F8: variants seen among roughly 807,000 people sequenced by gnomAD.
F8 encodes antihemophilic factor.
A neutral mutation model predicts 140.6 loss-of-function variants in F8; 12 were observed. The observed-to-expected ratio is 0.09, with a 90% confidence interval of 0.05 to 0.14. F8 has a LOEUF of 0.14. Ranked by LOEUF, F8 falls within the 10% of genes least tolerant of loss-of-function variation. The pLI is 1.00. For synonymous variants in F8, 585 were observed against 614.6 expected (o/e 0.95, Z 0.71); for missense variants, 1,354 against 1,720.7 (o/e 0.79, Z 3.77).
At chrX:154,899,690 A>G (rs781891997) in intron 21 of F8, among the ~76,000 whole-genome samples, 176 bp downstream of exon 21, 2 of 112,286 alleles carry the variant, frequency 1.8e-5, no homozygotes, top group African/African-American at 6.5e-5. Flanking sequence ...GGACATATCA[A>G]TATACTCAAT....
In F8 at chrX:154,928,844, C is replaced by T. The variant is rs782704485; in HGVS notation, c.4946G>A (p.Gly1649Asp). 1 of 1,211,853 alleles carries T rather than the reference C, an allele frequency of 8.3e-7. No homozygotes were observed. ...PEIEVTWAKQ[G>D]RTERLCSQNP... ...TTGAGAGCACAGCCTTTCAGTCCTA[C>T]CTTGCTTTGCCCAGGTGACTTCTAT... The change falls in exon 14 of 26, where the codon GGT (glycine) becomes GAT (aspartate). Residue 1649 changes from glycine (G) to aspartate (D), a missense_variant. Gly to Asp is a moderately conservative substitution (Grantham distance 94). Coordinates refer to ENST00000360256, the MANE Select transcript of F8 (RefSeq NM_000132.4).
chrX:154,886,446 C>CT, intron 22 of F8: 1 of 79,714 alleles, frequency 1.3e-5, no homozygotes, highest in Non-Finnish European at 1.6e-5. Context: ...ACTTCCTGGC[C>CT]CGCTACCGGC....
intron 18 of F8, among the ~76,000 whole-genome samples, chrX:154,902,969 A>G (rs1182409080): frequency 3.6e-5 from 4 of 111,842 alleles, no homozygotes; most frequent in Non-Finnish European, 7.5e-5. Flanking sequence ...TGCAGGCTCA[A>G]GTTGGAGGAG....
intron 25 of F8, among the ~76,000 whole-genome samples, chrX:154,846,579 T>C (rs1332659368): frequency 3.6e-5 from 4 of 112,028 alleles, no homozygotes; most frequent in African/African-American, 1.3e-4. Context: ...AAAGTCTGTT[T>C]TATCAGAGAC....
At chrX:154,970,973 T>A (rs1178361024) in intron 6 of F8, among the ~76,000 whole-genome samples, 2 of 111,662 alleles carry the variant, frequency 1.8e-5, no homozygotes, top group Non-Finnish European at 3.8e-5. Context: ...AAATTATGCA[T>A]GTTTATTATC....
At chrX:154,972,707 C>CT (rs1184930129) in intron 6 of F8, among the ~76,000 whole-genome samples, 6,634 of 55,172 alleles carry the variant, frequency 0.12, 1,710 homozygotes, top group South Asian at 0.15. Flanking sequence ...TTCTGTCTTT[C>CT]TTTTTTTTTT....
chrX:154,985,066 C>A (rs1297972736), intron 5 of F8, among the ~76,000 whole-genome samples: 1 of 112,128 alleles, frequency 8.9e-6, no homozygotes, highest in Admixed American at 9.4e-5. Flanking sequence ...TAATAGAAGA[C>A]AGAATATTGG....
intron 22 of F8, among the ~76,000 whole-genome samples, chrX:154,876,898 C>T (rs1557274061): frequency 9.0e-6 from 1 of 111,564 alleles, no homozygotes; most frequent in Admixed American, 9.5e-5. Context: ...TGTAGTCTGA[C>T]TCCAAAAGGG....
intron 12 of F8, among the ~76,000 whole-genome samples, chrX:154,951,920 G>A (rs1182537363): frequency 8.9e-6 from 1 of 111,779 alleles, no homozygotes; most frequent in Admixed American, 9.5e-5. Flanking sequence ...CAGTGAAATT[G>A]TTTTCTGGCT....
chrX:155,003,686 C>T (rs926183202), intron 1 of F8, among the ~76,000 whole-genome samples: 12 of 111,492 alleles, frequency 1.1e-4, no homozygotes, highest in Middle Eastern at 4.6e-3. Context: ...CAGCTGGGCG[C>T]GGTGGCTCAC....
intron 4 of F8, among the ~76,000 whole-genome samples, chrX:154,991,757 A>C (rs1306380705): frequency 1.8e-5 from 2 of 111,585 alleles, no homozygotes; most frequent in Non-Finnish European, 3.8e-5. Flanking sequence ...CTTTCATCTG[A>C]AACTATTATA....
chrX:154,937,303 A>T (rs1473233967), intron 13 of F8, among the ~76,000 whole-genome samples: 1 of 111,239 alleles, frequency 9.0e-6, no homozygotes, highest in African/African-American at 3.3e-5. Flanking sequence ...TAATTCCATG[A>T]CCTGATGAAC....
At chrX:154,982,440 C>T (rs1199671457) in intron 6 of F8, among the ~76,000 whole-genome samples, 1 of 70,200 alleles carries the variant, frequency 1.4e-5, no homozygotes, top group Non-Finnish European at 2.4e-5. Flanking sequence ...AGCAAGACTC[C>T]GTCTCAAAAA....
rs782036192 is a variant in F8, at chrX:154,878,444, A to C, written c.6430-15217T>G. Reference sequence around the variant, plus strand: ...TTTCATGACCAAAAAAAAAAAAAAAAAAAAAAACCACTAAGCAAACTAGAA... The same window carrying C: ...TTTCATGACCAAAAAAAAAAAAAAACAAAAAAACCACTAAGCAAACTAGAA... On this transcript the variant is annotated intron_variant, in intron 22 of 25. Transcript: ENST00000360256. Among the ~76,000 whole-genome samples, 15 of 108,759 alleles carry C rather than the reference A, an allele frequency of 1.4e-4. 1 individual carries two copies. In the South Asian group the frequency reaches 5.9e-3, roughly 43 times the overall value. 94.4% of individuals were successfully genotyped at this position (108,759 alleles called of 115,157 possible). A position where few individuals can be genotyped will look rare whatever the true frequency, so the allele number is the denominator to read the frequency against.
intron 11 of F8, among the ~76,000 whole-genome samples, chrX:154,955,943 G>A (rs782445808): frequency 2.7e-5 from 3 of 111,862 alleles, no homozygotes; most frequent in South Asian, 3.8e-4. Context: ...ATCCTAGCAA[G>A]CCTGGGGGCA....
chrX:154,848,289 G>C (rs781897951), intron 25 of F8, among the ~76,000 whole-genome samples: 4 of 112,526 alleles, frequency 3.6e-5, no homozygotes, highest in African/African-American at 1.3e-4. Context: ...TCTGTGCTGG[G>C]AGAACCACTA....
intron 25 of F8, among the ~76,000 whole-genome samples, chrX:154,850,692 T>C (rs782276345): frequency 1.8e-5 from 2 of 111,158 alleles, no homozygotes; most frequent in Non-Finnish European, 3.8e-5. Context: ...TCTGTGCCTG[T>C]CTGTGTCCTA....
intron 3 of F8, 98 bp from the exon 4 acceptor site, chrX:154,993,246 C>A (rs782165639): frequency 5.6e-6 from 4 of 712,031 alleles, no homozygotes; most frequent in Non-Finnish European, 8.5e-6. Flanking sequence ...ACATAAGAAA[C>A]GGACTTTCTG....
In F8 at chrX:154,931,665, G is replaced by A; in HGVS notation, c.2125C>T (p.Leu709=). The change falls in exon 14 of 26, where the codon CTG becomes TTG. Residue 709 remains leucine (L), a synonymous_variant. Transcript: ENST00000360256. The part of the protein sequence containing the change: ...MSMENPGLWI[L]GCHNSDFRNR... The stretch of plus-strand genomic sequence containing the variant: ...CGAAAGTCTGAGTTGTGGCACCCCA[G>A]AATCCATAGACCTGGAGATGAGGAA... The A allele has an allele frequency of 7.4e-6, 9 of 1,208,435 alleles. No individual in the cohort carries two copies. Among genetic ancestry groups the A allele is most frequent in the Non-Finnish European group, 1.0e-5 (9 of 892,639 alleles).
Sources: gnomAD v4.1 joint callset for allele counts (sites outside exome capture counted in the v4.1 genomes callset) on GRCh38, gnomAD v4.1.1 for gene constraint, MANE v1.5 for transcripts, NCBI Gene and HGNC (gene_info 2026-07-23, HGNC 2026-07-21) for gene names.